Variants in MYH15 observed in about 807,000 individuals in gnomAD.
The protein encoded by MYH15 is myosin-15.
In MYH15, 227 loss-of-function variants were observed where a neutral mutation model predicts 240.5. That is an observed-to-expected ratio of 0.94 (90% confidence interval 0.85 to 1.05). MYH15 has a LOEUF of 1.05. MYH15 is among the 50% of genes least tolerant of loss of function. The pLI is 0.00. For synonymous variants in MYH15, 785 were observed against 796.7 expected (o/e 0.99, Z 0.25); for missense variants, 2,217 against 2,247.5 (o/e 0.99, Z 0.27).
chr3:108,538,590 C>T, the MYH15 span, among the ~76,000 whole-genome samples: 1 of 151,978 alleles, frequency 6.6e-6, no homozygotes, highest in Admixed American at 6.6e-5. Flanking sequence ...TATTGCAGGT[C>T]CTAGCTGCTG....
Position 108,460,377 on chromosome 3 carries a change from A to C in MYH15, c.1865-10T>G, listed in dbSNP as rs748261549. On this transcript the variant is annotated splice_polypyrimidine_tract_variant and intron_variant, in intron 16 of 40. Transcript: ENST00000693548. ...TCCCCAAATGGTATAGCTAGCAAAA[A>C]AAAAAAAAGAAAAAGATGAAAACAT... 17 of 1,567,180 alleles carry C rather than the reference A, an allele frequency of 1.1e-5. 1 individual carries two copies. The highest frequency in any genetic ancestry group is 2.0e-5 in the Admixed American group (1 of 50,670).
rs765675606 is a variant in MYH15 at position 108,381,542 on chromosome 3, A to G, written c.*3T>C. ...AGCTGTTGTCCTTTCAAAGCAGGGG[A>G]TGCTATTCTTCTTGAACCTGAAAAA... On this transcript the variant is annotated 3_prime_UTR_variant, in exon 41 of 41. Transcript: ENST00000693548. The G allele has an allele frequency of 1.2e-6, 2 of 1,613,908 alleles. No individual in the cohort carries two copies. Among genetic ancestry groups the G allele is most frequent in the Non-Finnish European group, 1.7e-6 (2 of 1,179,800 alleles).
At chr3:108,430,604 A>T (rs1235341573) in intron 26 of MYH15, among the ~76,000 whole-genome samples, 1 of 152,214 alleles carries the variant, frequency 6.6e-6, no homozygotes, top group Non-Finnish European at 1.5e-5. Context: ...GGTTCACAGC[A>T]AACAGTCAAC....
rs2082342015 is a variant in MYH15 at position 108,381,347 on chromosome 3, T to G, written c.*198A>C. The G allele has an allele frequency of 1.6e-6, 1 of 626,496 alleles. No homozygotes were observed. Among genetic ancestry groups the G allele is most frequent in the Non-Finnish European group, 2.8e-6 (1 of 352,260 alleles). The allele number at this position is 626,496 out of a possible 1,614,324, so 38.8% of individuals were successfully genotyped here. A position where few individuals can be genotyped will look rare whatever the true frequency, so the allele number is the denominator to read the frequency against. On this transcript the variant is annotated 3_prime_UTR_variant, in exon 41 of 41. Transcript: ENST00000693548. ...GCATTAGAAGGTAGTTTACTTGCAT[T>G]TGAGGATCAAAAAATCCCCATTAAC...
Position 108,492,495 on chromosome 3 carries a change from C to T in MYH15, c.871+5G>A. The T allele has an allele frequency of 6.3e-7, 1 of 1,599,908 alleles. No homozygotes were observed. The highest frequency in any genetic ancestry group is 8.6e-7 in the Non-Finnish European group (1 of 1,167,752). On this transcript the variant is annotated splice_donor_5th_base_variant and intron_variant, in intron 9 of 40. Coordinates refer to ENST00000693548, the MANE Select transcript of MYH15 (RefSeq NM_014981.3). Reference sequence around the variant, plus strand: ...TAACCCTAAGCTCCAGAATCCTACACTTACCATGAAGCTCTTTTTGTCCAG... The same window carrying T: ...TAACCCTAAGCTCCAGAATCCTACATTTACCATGAAGCTCTTTTTGTCCAG...
Position 108,470,718 on chromosome 3 carries a change from TGATG to T in MYH15, c.1359_1362del (p.Asp453GlufsTer60). The T allele has an allele frequency of 1.9e-6, 3 of 1,613,792 alleles. No homozygotes were observed. The highest frequency in any genetic ancestry group is 2.2e-5 in the East Asian group (1 of 44,832). On this transcript the variant is annotated frameshift_variant, in exon 13 of 41. Coordinates refer to ENST00000693548, the MANE Select transcript of MYH15 (RefSeq NM_014981.3). LOFTEE classifies it high-confidence loss of function. ...CTTACCTCAAGGATTTCAAAACCAG[TGATG>T]TCAAGAATGCCAATGAAGAACTGCC...
intron 3 of MYH15, among the ~76,000 whole-genome samples, chr3:108,501,312 T>G (rs1253450284): frequency 6.6e-6 from 1 of 152,240 alleles, no homozygotes; most frequent in Non-Finnish European, 1.5e-5. Context: ...CATTAATCAC[T>G]AACTAGGTGA....
At chr3:108,459,826 T>G (rs570435708) in intron 17 of MYH15, among the ~76,000 whole-genome samples, 1 of 152,290 alleles carries the variant, frequency 6.6e-6, no homozygotes, top group South Asian at 2.1e-4. Flanking sequence ...ATGGGAATTC[T>G]GGTTCAAGAG....
Position 108,441,029 on chromosome 3 carries a change from T to C in MYH15, c.2887A>G (p.Thr963Ala). ...LVKSEKEKRTTEHKVKNLTEE... is the reference protein window; with the variant it reads ...LVKSEKEKRTAEHKVKNLTEE... The stretch of plus-strand genomic sequence containing the variant: ...TATGGAAAAAGTACCTTGTGCTCTG[T>C]AGTACGCTTCTCCTTCTCTGACTTC... The change falls in exon 23 of 41, where the codon ACA becomes GCA. Residue 963 changes from threonine to alanine, a missense_variant. Transcript: ENST00000693548. The C allele has an allele frequency of 6.2e-7, 1 of 1,614,150 alleles. No individual in the cohort carries two copies. Among genetic ancestry groups the C allele is most frequent in the South Asian group, 1.1e-5 (1 of 91,084 alleles).
chr3:108,510,463 A>C lies in MYH15; in HGVS notation c.68T>G (p.Leu23Arg), dbSNP rs765552964. The C allele has an allele frequency of 1.9e-6, 3 of 1,612,886 alleles. No homozygotes were observed. In the African/African-American group the frequency reaches 4.0e-5, roughly 22 times the overall value. ...LRRSEAELLL[L>R]QATALDGKKK... ...CTCACCATCCAAGGCTGTGGCCTGT[A>C]GTAGAAGCAGCTCAGCTTCACTTCT... The change falls in exon 1 of 41, where the codon CTA becomes CGA. Residue 23 changes from leucine (L) to arginine (R), a missense_variant. Physicochemically the swap from Leu to Arg is moderately radical, Grantham distance 102 (BLOSUM62 -2). Transcript: ENST00000693548.
chr3:108,440,890 C>T, intron 23 of MYH15, 128 bp downstream of exon 23: 1 of 1,131,166 alleles, frequency 8.8e-7, no homozygotes, highest in Non-Finnish European at 1.3e-6. Flanking sequence ...AGTTCTGACT[C>T]TCAATGCTGT....
Position 108,501,786 on chromosome 3 carries a change from C to T in MYH15, c.265G>A (p.Ala89Thr), listed in dbSNP as rs754882550. ...PPEFEMIEDM[A>T]MLTHLNEASV... Reference sequence around the variant, plus strand: ...GCCTCATTGAGGTGAGTCAGCATTGCCATGTCTTCAATCATTTCAAACTCT... The same window carrying T: ...GCCTCATTGAGGTGAGTCAGCATTGTCATGTCTTCAATCATTTCAAACTCT... The change falls in exon 3 of 41, where the codon GCA becomes ACA. Residue 89 changes from alanine (A) to threonine (T), a missense_variant. Coordinates refer to ENST00000693548, the MANE Select transcript of MYH15 (RefSeq NM_014981.3). 21 of 1,613,952 alleles carry T rather than the reference C, an allele frequency of 1.3e-5. No individual in the cohort carries two copies. The highest frequency in any genetic ancestry group is 2.2e-5 in the East Asian group (1 of 44,894).
intron 2 of MYH15, among the ~76,000 whole-genome samples, chr3:108,502,367 T>C (rs2083445023): frequency 6.6e-6 from 1 of 152,210 alleles, no homozygotes. Context: ...TTGTACTATC[T>C]TTACATTAAT....
At chr3:108,504,827 C>G (rs2249127) in intron 2 of MYH15, among the ~76,000 whole-genome samples, 152,062 of 152,288 alleles carry the variant, frequency 1, 75,918 homozygotes, top group Middle Eastern at 1. Context: ...AAGGGGCTGG[C>G]GGGTATTATG....
chr3:108,426,430 C>T (rs2082725395), intron 27 of MYH15, among the ~76,000 whole-genome samples: 1 of 152,126 alleles, frequency 6.6e-6, no homozygotes, highest in Admixed American at 6.5e-5. Context: ...GAGCTTGCTG[C>T]CCAGGGCTGC....
At chr3:108,458,121 T>C (rs2083039347) in intron 18 of MYH15, among the ~76,000 whole-genome samples, 1 of 152,176 alleles carries the variant, frequency 6.6e-6, no homozygotes, top group East Asian at 1.9e-4. Flanking sequence ...GACTCACTCA[T>C]TCTCTTTAAG....
At position 108,500,240 on chromosome 3, in the gene MYH15, G is replaced by A. The variant is rs768709718; in HGVS notation, c.374C>T (p.Pro125Leu). 5.0e-6 allele frequency: 8 copies of A among 1,614,038 alleles called. No homozygotes were observed. The South Asian group carries it at 8.8e-5, about 18-fold the overall frequency. The stretch of plus-strand genomic sequence containing the variant: ...CTGATACACGGGAAGCCATTTGTAA[G>A]GGTTTATGGTCACACAGAAGAGACC... ...YSGLFCVTIN[P>L]YKWLPVYQKE... Residue 125 changes from proline to leucine, a missense_variant, in exon 4 of 41, where the codon CCT becomes CTT. By Grantham distance (98) the Pro-to-Leu change is moderately conservative. Coordinates refer to ENST00000693548, the MANE Select transcript of MYH15 (RefSeq NM_014981.3).
intron 31 of MYH15, among the ~76,000 whole-genome samples, chr3:108,409,253 C>T (rs896360605): frequency 6.6e-6 from 1 of 152,176 alleles, no homozygotes; most frequent in African/African-American, 2.4e-5. Flanking sequence ...GAAGTGCTCT[C>T]CTAAAGATGG....
At chr3:108,531,602 C>A (rs2083710634), upstream of MYH15, among the ~76,000 whole-genome samples, 1 of 151,930 alleles carries the variant, frequency 6.6e-6, no homozygotes, top group African/African-American at 2.4e-5. Context: ...CATGGTGAAA[C>A]CCTGTCTCTA....
Sources: gnomAD v4.1 joint callset for allele counts (sites outside exome capture counted in the v4.1 genomes callset) on GRCh38, gnomAD v4.1.1 for gene constraint, MANE v1.5 for transcripts, NCBI Gene and HGNC (gene_info 2026-07-23, HGNC 2026-07-21) for gene names.